Variants in ANKS1B observed in about 807,000 individuals in gnomAD.
ANKS1B encodes the protein ankyrin repeat and sterile alpha motif domain containing 1B.
A neutral mutation model predicts 148.3 loss-of-function variants in ANKS1B; 36 were observed. The ratio of observed to expected loss-of-function variants is 0.24; its 90% CI spans 0.19 to 0.32. The LOEUF is 0.32. Among genes scored for constraint, ANKS1B ranks in the 10% least tolerant of loss-of-function variants. ANKS1B has a pLI of 1.00. For synonymous variants in ANKS1B, 542 were observed against 560.8 expected, an observed-to-expected ratio of 0.97 and a Z score of 0.47; for missense variants, 1,157 against 1,542.6, an observed-to-expected ratio of 0.75 and a Z score of 4.19.
chr12:99,173,838 T>C (rs1009846429), intron 14 of ANKS1B, among the ~76,000 whole-genome samples: 1 of 152,072 alleles, frequency 6.6e-6, no homozygotes, highest in Non-Finnish European at 1.5e-5. Flanking sequence ...GTAGTTCCTG[T>C]GCTTGGGAGG....
At chr12:99,924,539 C>T (rs1434348181) in intron 1 of ANKS1B, among the ~76,000 whole-genome samples, 2 of 151,926 alleles carry the variant, frequency 1.3e-5, no homozygotes, top group Non-Finnish European at 2.9e-5. Flanking sequence ...GTTTGTGTTC[C>T]CCCAAAATTC....
chr12:99,858,680 G>A (rs376671783), intron 1 of ANKS1B, among the ~76,000 whole-genome samples: 1 of 152,060 alleles, frequency 6.6e-6, no homozygotes, highest in Non-Finnish European at 1.5e-5. Flanking sequence ...TATATACCAC[G>A]GAATACTACT....
chr12:99,514,766 T>G (rs1229232206), intron 9 of ANKS1B, among the ~76,000 whole-genome samples: 1 of 152,016 alleles, frequency 6.6e-6, no homozygotes, highest in Non-Finnish European at 1.5e-5. Flanking sequence ...TATCTAGCTC[T>G]GCCAATTTTC....
intron 17 of ANKS1B, among the ~76,000 whole-genome samples, chr12:98,844,703 G>T (rs11109623): frequency 3.3e-5 from 5 of 152,076 alleles, no homozygotes; most frequent in Non-Finnish European, 7.4e-5. Context: ...TAGCCAAGAG[G>T]CTTGATGAAT....
Position 99,262,401 on chromosome 12 carries a change from T to C in ANKS1B, c.1757-15537A>G, listed in dbSNP as rs768002283. ...TGGGGTGAAATAAATATATAGATAT[T>C]TGCATGTGAAGAAAAATTCAAGAGT... On this transcript the variant is annotated intron_variant, in intron 12 of 26. Transcript: ENST00000683438. Among the ~76,000 whole-genome samples the C allele has an allele frequency of 8.5e-4, 130 of 152,160 alleles. 1 individual carries two copies. Among genetic ancestry groups the C allele is most frequent in the Non-Finnish European group, 1.5e-3 (104 of 67,970 alleles).
intron 1 of ANKS1B, among the ~76,000 whole-genome samples, chr12:99,846,409 C>T (rs556796972): frequency 1.2e-4 from 18 of 152,176 alleles, no homozygotes; most frequent in African/African-American, 4.1e-4. Context: ...ACATTTCTTA[C>T]TGACATCAAT....
intron 8 of ANKS1B, among the ~76,000 whole-genome samples, chr12:99,687,176 GTT>G (rs899435973): frequency 1.3e-5 from 2 of 152,088 alleles, no homozygotes; most frequent in African/African-American, 4.8e-5. Flanking sequence ...GACTCACAGA[GTT>G]TATAAGAAAA....
At chr12:99,163,805 A>AT (rs572326198) in intron 14 of ANKS1B, among the ~76,000 whole-genome samples, 2 of 152,012 alleles carry the variant, frequency 1.3e-5, no homozygotes, top group Non-Finnish European at 2.9e-5. Flanking sequence ...TCAGTAGCTT[A>AT]TTTTTTCATT....
At chr12:99,961,584 T>C (rs1383451792) in intron 1 of ANKS1B, among the ~76,000 whole-genome samples, 2 of 152,304 alleles carry the variant, frequency 1.3e-5, no homozygotes, top group Non-Finnish European at 2.9e-5. Context: ...ATGAAAGACT[T>C]CTATAGTCAT....
chr12:99,899,304 T>C (rs2093500477), intron 1 of ANKS1B, among the ~76,000 whole-genome samples: 1 of 152,218 alleles, frequency 6.6e-6, no homozygotes, highest in African/African-American at 2.4e-5. Flanking sequence ...GTTAAAACAC[T>C]AAACTACACT....
intron 9 of ANKS1B, among the ~76,000 whole-genome samples, chr12:99,574,476 G>C (rs2097495933): frequency 6.6e-6 from 1 of 151,986 alleles, no homozygotes; most frequent in Admixed American, 6.6e-5. Context: ...AAATCAGACA[G>C]ACTTTAATGA....
At chr12:98,958,111 A>G (rs1384889394) in intron 17 of ANKS1B, among the ~76,000 whole-genome samples, 1 of 152,186 alleles carries the variant, frequency 6.6e-6, no homozygotes, top group East Asian at 1.9e-4. Flanking sequence ...TCCTTGTTAC[A>G]GTCACTTTAA....
At position 99,681,305 on chromosome 12, in the gene ANKS1B, T is replaced by A. The variant is rs2098615110; in HGVS notation, c.1129-26095A>T. ...AGAAGAAAACAACAGCTAATTCCAC[T>A]GCCTGTAGCATCCTAGCTAACCAGA... On this transcript the variant is annotated intron_variant, in intron 8 of 26. Coordinates refer to ENST00000683438, the MANE Select transcript of ANKS1B (RefSeq NM_001352186.2). 2.6e-5 allele frequency among the ~76,000 whole-genome samples: 4 copies of A among 152,214 alleles called. No homozygotes were observed. In the South Asian group the frequency reaches 8.3e-4, roughly 32 times the overall value.
Position 99,399,704 on chromosome 12 carries a change from G to C in ANKS1B, c.1683C>G (p.Ala561=). The C allele has an allele frequency of 1.2e-6, 2 of 1,613,500 alleles. No individual in the cohort carries two copies. Among genetic ancestry groups the C allele is most frequent in the South Asian group, 1.1e-5 (1 of 91,070 alleles). ...AGGTGGGTGGACTAGCAGGAGGACTGGCAGTAAAGCTTGTGCACCCTGTAG... is the reference window on the plus strand; with the variant it reads ...AGGTGGGTGGACTAGCAGGAGGACTCGCAGTAAAGCTTGTGCACCCTGTAG... ...NTSTGCTSFT[A]SPPASPPTSS... Residue 561 remains alanine (A), a synonymous_variant, in exon 12 of 27, where the codon GCC becomes GCG. Transcript: ENST00000683438.
chr12:98,824,802 T>C (rs571087881), intron 19 of ANKS1B, among the ~76,000 whole-genome samples: 1 of 152,314 alleles, frequency 6.6e-6, no homozygotes, highest in East Asian at 1.9e-4. Flanking sequence ...TGACACACTG[T>C]GCAGGGTCTC....
rs115302630 is a variant in ANKS1B at position 99,815,695 on chromosome 12, T to C, written c.216-3384A>G. 2.7e-3 allele frequency among the ~76,000 whole-genome samples: 406 copies of C among 151,780 alleles called. 1 individual carries two copies. The highest frequency in any genetic ancestry group is 8.8e-3 in the African/African-American group (363 of 41,470). On this transcript the variant is annotated intron_variant, in intron 2 of 26. Transcript: ENST00000683438. ...AGTCCATTATATCACTCTGTATGTT[T>C]TGGCATCCACATAGCTTAGCTCCCA...
intron 12 of ANKS1B, among the ~76,000 whole-genome samples, chr12:99,307,150 G>A (rs2082467214): frequency 6.6e-6 from 1 of 152,058 alleles, no homozygotes; most frequent in African/African-American, 2.4e-5. Flanking sequence ...AATGAATTTA[G>A]AATCATTTTA....
Position 99,334,151 on chromosome 12 carries a change from T to TAGACAGACAGAC in ANKS1B, c.1756+65468_1756+65479dup, listed in dbSNP as rs750913591. 2.4e-3 allele frequency among the ~76,000 whole-genome samples: 365 copies of TAGACAGACAGAC among 150,264 alleles called. 2 individuals are homozygous for TAGACAGACAGAC. The highest frequency in any genetic ancestry group is 8.8e-3 in the African/African-American group (357 of 40,602). ...CTAAATAGATAGATAGATAGATAGA[T>TAGACAGACAGAC]AGACAGACAGACAGACAGACAGACA... is the stretch of plus-strand genomic sequence containing the variant. On this transcript the variant is annotated intron_variant, in intron 12 of 26. Transcript: ENST00000683438.
At chr12:98,824,370 G>T (rs115881394) in intron 19 of ANKS1B, among the ~76,000 whole-genome samples, 1 of 152,210 alleles carries the variant, frequency 6.6e-6, no homozygotes, top group Non-Finnish European at 1.5e-5. Context: ...TTTATAGAAT[G>T]CTACAACCAC....
Sources: gnomAD v4.1 joint callset for allele counts (sites outside exome capture counted in the v4.1 genomes callset) on GRCh38, gnomAD v4.1.1 for gene constraint, MANE v1.5 for transcripts, NCBI Gene and HGNC (gene_info 2026-07-23, HGNC 2026-07-21) for gene names.